Variants in HERC4 observed in about 807,000 individuals in gnomAD.
The protein encoded by HERC4 is HECT and RLD domain containing E3 ubiquitin protein ligase 4, also known as probable E3 ubiquitin-protein ligase HERC4.
Under a neutral mutation model 124.3 loss-of-function variants are expected in HERC4, and 28 were observed. The observed-to-expected ratio is 0.23, with a 90% CI of 0.17 to 0.31. The LOEUF is 0.31. Ranked by LOEUF, HERC4 falls within the 10% of genes least tolerant of loss-of-function variation. The probability of loss-of-function intolerance (pLI) is 1.00; values close to 1 mark genes in which losing one functional copy is unlikely to be tolerated. For missense variants in HERC4, 713 were observed against 1,229.3 expected (o/e 0.58, Z 6.28); for synonymous variants, 407 against 421.5 (o/e 0.97, Z 0.42).
At chr10:68,048,833 T>C (rs1032868178) in intron 3 of HERC4, among the ~76,000 whole-genome samples, 7 of 152,184 alleles carry the variant, frequency 4.6e-5, no homozygotes, top group Non-Finnish European at 8.8e-5. Flanking sequence ...AAAGAAAGGG[T>C]ATTTTTTAAA....
rs35768029 is a variant in HERC4 at position 68,026,840 on chromosome 10, C to CA, written c.778-1165dup. On this transcript the variant is annotated intron_variant, in intron 7 of 24. Coordinates refer to ENST00000373700, the MANE Select transcript of HERC4 (RefSeq NM_015601.4). Reference sequence around the variant, plus strand: ...CCTGGGCGACAGAAAGACTCCGTCTCAAAAAAAAAAAATTAGTTAGGCATG... The same window carrying CA: ...CCTGGGCGACAGAAAGACTCCGTCTCAAAAAAAAAAAAATTAGTTAGGCATG... 9.7e-3 allele frequency among the ~76,000 whole-genome samples: 1,372 copies of CA among 141,460 alleles called. 26 individuals are homozygous for CA. The highest frequency in any genetic ancestry group is 0.034 in the African/African-American group (1,296 of 38,282). 92.8% of individuals were successfully genotyped at this position (141,460 alleles called of 152,430 possible). A position where few individuals can be genotyped will look rare whatever the true frequency, so the allele number is the denominator to read the frequency against.
At chr10:68,007,791 C>G (rs2037667100) in intron 9 of HERC4, 1 of 151,940 alleles carries the variant, frequency 6.6e-6, no homozygotes, top group Admixed American at 6.6e-5. Flanking sequence ...CACTACTGAT[C>G]AGCACAGGAG....
At chr10:67,980,977 A>G (rs1055295332) in intron 15 of HERC4, among the ~76,000 whole-genome samples, 2 of 152,210 alleles carry the variant, frequency 1.3e-5, no homozygotes, top group Non-Finnish European at 2.9e-5. Context: ...CAAAACAGCA[A>G]GAAAAAAAAG....
In HERC4 at chr10:67,992,250, A is replaced by C; in HGVS notation, c.1220T>G (p.Ile407Ser). 1.2e-6 allele frequency: 2 copies of C among 1,614,116 alleles called. No individual in the cohort carries two copies. The highest frequency in any genetic ancestry group is 1.7e-6 in the Non-Finnish European group (2 of 1,179,992). Residue 407 changes from isoleucine to serine, a missense_variant, in exon 11 of 25, where the codon ATT becomes AGT. Transcript: ENST00000373700. ...AGAAGGATAGCTCAGCCATTTCTGAATTAGAGCTTCATTCACTGTCCAGAT... is the reference window on the plus strand; with the variant it reads ...AGAAGGATAGCTCAGCCATTTCTGACTTAGAGCTTCATTCACTGTCCAGAT... ...KQIWTVNEALIQKWLSYPSGR... is the reference protein window; with the variant it reads ...KQIWTVNEALSQKWLSYPSGR...
At chr10:67,924,687 G>T (rs1238419813) in intron 24 of HERC4, among the ~76,000 whole-genome samples, 1 of 152,178 alleles carries the variant, frequency 6.6e-6, no homozygotes, top group Non-Finnish European at 1.5e-5. Context: ...ATTTATACAA[G>T]AAACTTGAGC....
chr10:68,032,879 CCAA>C lies in HERC4; in HGVS notation c.686-13_686-11del, dbSNP rs768495353. On this transcript the variant is annotated splice_polypyrimidine_tract_variant and intron_variant, in intron 6 of 24. Coordinates refer to ENST00000373700, the MANE Select transcript of HERC4 (RefSeq NM_015601.4). The stretch of plus-strand genomic sequence containing the variant: ...TTAGGAACATACCTATCTGAAAATT[CCAA>C]CAAGAGATGTTAATAGTATTTTAAA... 7.6e-7 allele frequency: 1 copy of C among 1,316,268 alleles called. No homozygotes were observed. The highest frequency in any genetic ancestry group is 1.4e-5 in the African/African-American group (1 of 69,040). 81.5% of individuals were successfully genotyped at this position (1,316,268 alleles called of 1,614,324 possible).
At position 68,069,356 on chromosome 10, in the gene HERC4, A is replaced by G. The variant is rs41278496; in HGVS notation, c.226+3527T>C. 2.5e-3 allele frequency: 2,443 copies of G among 984,152 alleles called. 4 individuals carry two copies. Among genetic ancestry groups the G allele is most frequent in the Non-Finnish European group, 2.8e-3 (2,355 of 828,720 alleles). 61.0% of individuals were successfully genotyped at this position (984,152 alleles called of 1,614,324 possible). On this transcript the variant is annotated intron_variant, in intron 3 of 24. Transcript: ENST00000373700. ...GAAGAAAAAAACATGAAAGTGAAAC[A>G]GACATTCACTTCTCTGGAAATAATT...
intron 3 of HERC4, chr10:68,069,334 GA>G (rs1357905623): frequency 1.0e-6 from 1 of 981,378 alleles, no homozygotes; most frequent in South Asian, 4.7e-5. Flanking sequence ...TTCTTATGAA[GA>G]AAAAAACATG....
At chr10:68,066,417 T>C (rs144538072) in intron 3 of HERC4, among the ~76,000 whole-genome samples, 1 of 152,334 alleles carries the variant, frequency 6.6e-6, no homozygotes, top group East Asian at 1.9e-4. Flanking sequence ...AAGGAAAGTA[T>C]GTGGCTCACT....
At chr10:68,037,064 CA>C (rs1025106681) in intron 5 of HERC4, among the ~76,000 whole-genome samples, 41 of 147,002 alleles carry the variant, frequency 2.8e-4, no homozygotes, top group African/African-American at 9.7e-4. Flanking sequence ...TAAATAGTAA[CA>C]ATGGAGCAAA....
chr10:67,966,645 A>G (rs2034883787), intron 16 of HERC4, 38 bp downstream of exon 16: 2 of 1,583,362 alleles, frequency 1.3e-6, no homozygotes, highest in African/African-American at 1.4e-5. Context: ...AGATACATAT[A>G]CATAAAAATG....
At chr10:67,989,253 T>C (rs1007455624) in intron 14 of HERC4, among the ~76,000 whole-genome samples, 14 of 152,092 alleles carry the variant, frequency 9.2e-5, no homozygotes, top group South Asian at 6.2e-4. Flanking sequence ...CAATTTAATA[T>C]ATGGTTGAAA....
chr10:68,047,814 C>T lies in HERC4; in HGVS notation c.227-3251G>A, dbSNP rs147546679. 1.8e-3 allele frequency among the ~76,000 whole-genome samples: 267 copies of T among 152,272 alleles called. 1 individual carries two copies. The highest frequency in any genetic ancestry group is 6.1e-3 in the African/African-American group (253 of 41,564). On this transcript the variant is annotated intron_variant, in intron 3 of 24. Coordinates refer to ENST00000373700, the MANE Select transcript of HERC4 (RefSeq NM_015601.4). ...AAAATGGTACAGCCACTTTGGAAAACAGTTTGGCAGATTCTTACAAAAGTA... is the reference window on the plus strand; with the variant it reads ...AAAATGGTACAGCCACTTTGGAAAATAGTTTGGCAGATTCTTACAAAAGTA...
intron 21 of HERC4, among the ~76,000 whole-genome samples, chr10:67,937,457 A>G (rs1238901869): frequency 6.6e-6 from 1 of 152,220 alleles, no homozygotes; most frequent in Non-Finnish European, 1.5e-5. Context: ...TGACTGATAA[A>G]TTAGAAATTA....
intron 3 of HERC4, among the ~76,000 whole-genome samples, chr10:68,071,456 T>C (rs1589487068): frequency 6.6e-6 from 1 of 152,238 alleles, no homozygotes; most frequent in Non-Finnish European, 1.5e-5. Flanking sequence ...ATTATTAAAG[T>C]AATACAGAGA....
At chr10:68,070,447 A>C in intron 3 of HERC4, 1 of 188,408 alleles carries the variant, frequency 5.3e-6, no homozygotes, top group East Asian at 1.9e-4. Flanking sequence ...TCTCCATTAA[A>C]ATATGAAAAG....
At chr10:67,946,398 A>ACAC (rs1554902009) in intron 19 of HERC4, among the ~76,000 whole-genome samples, 1 of 106,544 alleles carries the variant, frequency 9.4e-6, no homozygotes, top group Admixed American at 9.0e-5. Context: ...CACACACACA[A>ACAC]GACCCAATGA....
At chr10:67,956,844 T>TC in intron 17 of HERC4, 34 bp downstream of exon 17, 1 of 1,332,292 alleles carries the variant, frequency 7.5e-7, no homozygotes, top group South Asian at 1.3e-5. Flanking sequence ...AAAGAAACAA[T>TC]TAAAAAAAAA....
chr10:68,016,365 T>A (rs2038266113), intron 8 of HERC4, among the ~76,000 whole-genome samples: 1 of 152,118 alleles, frequency 6.6e-6, no homozygotes, highest in African/African-American at 2.4e-5. Flanking sequence ...AAAATTTTAT[T>A]ATTTTTGAGA....
Sources: allele counts gnomAD v4.1 joint callset (sites outside exome capture counted in the v4.1 genomes callset), GRCh38; gene constraint gnomAD v4.1.1; transcripts MANE v1.5; gene names NCBI Gene and HGNC (gene_info 2026-07-23, HGNC 2026-07-21).